PAK2: variants seen among roughly 807,000 people sequenced by gnomAD.
PAK2 encodes serine/threonine-protein kinase PAK 2.
Under a neutral mutation model 65.9 loss-of-function variants are expected in PAK2, and 21 were observed. The observed-to-expected ratio is 0.32, with a 90% CI of 0.23 to 0.46. The LOEUF is 0.46. PAK2 is among the 20% of genes least tolerant of loss of function. The pLI is 1.00. For synonymous variants in PAK2, 204 were observed against 219.7 expected (o/e 0.93, Z 0.63); for missense variants, 324 against 642.6 (o/e 0.50, Z 5.36).
chr3:196,759,195 C>G (rs1353769552), intron 1 of PAK2, among the ~76,000 whole-genome samples: 1 of 152,012 alleles, frequency 6.6e-6, no homozygotes, highest in Non-Finnish European at 1.5e-5. Flanking sequence ...TGAAGTAGTC[C>G]CATTGAGAGA....
At chr3:196,801,861 A>G in intron 2 of PAK2, 66 bp from the exon 3 acceptor site, 1 of 796,742 alleles carries the variant, frequency 1.3e-6, no homozygotes, top group South Asian at 1.5e-5. Flanking sequence ...AAATAAAATT[A>G]TAAGTGCCTT....
chr3:196,825,425 CA>C (rs1455910576), intron 13 of PAK2, among the ~76,000 whole-genome samples: 1 of 150,830 alleles, frequency 6.6e-6, no homozygotes, highest in Non-Finnish European at 1.5e-5. Flanking sequence ...GGGCAGATCA[CA>C]AAGTTGGGAG....
At chr3:196,811,474 C>T (rs1264710856) in intron 8 of PAK2, among the ~76,000 whole-genome samples, 1 of 141,896 alleles carries the variant, frequency 7.0e-6, no homozygotes, top group African/African-American at 2.7e-5. Context: ...CTCTGCCTCC[C>T]GGGTTCAAAC....
chr3:196,801,847 C>A (rs1715431999), intron 2 of PAK2, 80 bp from the exon 3 acceptor site: 2 of 756,638 alleles, frequency 2.6e-6, no homozygotes. Flanking sequence ...AAACAAAAGA[C>A]AAAAAATAAA....
At chr3:196,815,040 C>CATG (rs1715957927) in intron 11 of PAK2, among the ~76,000 whole-genome samples, 1 of 151,654 alleles carries the variant, frequency 6.6e-6, no homozygotes, top group Non-Finnish European at 1.5e-5. Context: ...ATTAGCCGGG[C>CATG]GTGTTGGCAG....
chr3:196,769,301 T>C (rs1714283449), intron 1 of PAK2, among the ~76,000 whole-genome samples: 2 of 151,714 alleles, frequency 1.3e-5, no homozygotes, highest in Admixed American at 1.3e-4. Context: ...CCTGCTTGGG[T>C]GACAGTGAGT....
chr3:196,771,309 T>C (rs894918803), intron 1 of PAK2, among the ~76,000 whole-genome samples: 1 of 152,050 alleles, frequency 6.6e-6, no homozygotes, highest in Non-Finnish European at 1.5e-5. Context: ...TTTTTTCTCC[T>C]TTGGCCAATT....
At chr3:196,781,978 C>T (rs776981520) in intron 1 of PAK2, among the ~76,000 whole-genome samples, 4 of 152,066 alleles carry the variant, frequency 2.6e-5, no homozygotes, top group South Asian at 2.1e-4. Flanking sequence ...TGGTGGCATG[C>T]GGCTGTAATT....
rs1712024472 is a variant in PAK2, at chr3:196,830,141, A to G, written c.*1736A>G. 6.6e-6 allele frequency: 1 copy of G among 152,038 alleles called. No individual in the cohort carries two copies. The highest frequency in any genetic ancestry group is 2.4e-5 in the African/African-American group (1 of 41,392). 9.4% of individuals were successfully genotyped at this position (152,038 alleles called of 1,614,324 possible). On this transcript the variant is annotated 3_prime_UTR_variant, in exon 15 of 15. Transcript: ENST00000327134. ...GAAACTGGCAGGTTTTATTTCCATT[A>G]TTTTATTTCCACTATATCTATGATA...
intron 7 of PAK2, 124 bp downstream of exon 7, chr3:196,808,038 A>T: frequency 1.2e-6 from 1 of 860,328 alleles, no homozygotes; most frequent in Non-Finnish European, 1.8e-6. Context: ...TTGTTTCCTT[A>T]TAGCAACAGT....
chr3:196,750,981 G>C (rs1713561023), intron 1 of PAK2, among the ~76,000 whole-genome samples: 1 of 152,014 alleles, frequency 6.6e-6, no homozygotes, highest in African/African-American at 2.4e-5. Flanking sequence ...TCTGTCTTCA[G>C]AATTTTTTTC....
intron 1 of PAK2, among the ~76,000 whole-genome samples, chr3:196,760,848 C>T (rs2686598): frequency 0.47 from 70,919 of 151,970 alleles, 16,997 homozygotes; most frequent in Non-Finnish European, 0.53. Flanking sequence ...TTGTTGGTGC[C>T]TCCGTGTTAA....
chr3:196,783,471 A>G (rs935264328), intron 2 of PAK2, among the ~76,000 whole-genome samples: 1 of 151,780 alleles, frequency 6.6e-6, no homozygotes, highest in Non-Finnish European at 1.5e-5. Flanking sequence ...AATCCCAGCT[A>G]CTTGGGAGGC....
intron 1 of PAK2, among the ~76,000 whole-genome samples, chr3:196,770,014 G>C (rs964021432): frequency 3.3e-5 from 5 of 152,138 alleles, no homozygotes; most frequent in Non-Finnish European, 4.4e-5. Flanking sequence ...CCAGCACTTT[G>C]AGAGTCCACA....
At chr3:196,802,689 A>C (rs562084109) in intron 3 of PAK2, among the ~76,000 whole-genome samples, 1 of 151,886 alleles carries the variant, frequency 6.6e-6, no homozygotes, top group Non-Finnish European at 1.5e-5. Flanking sequence ...CTAAAAATAC[A>C]AAAAATTAGC....
At chr3:196,790,953 A>G (rs1715051416) in intron 2 of PAK2, among the ~76,000 whole-genome samples, 1 of 152,126 alleles carries the variant, frequency 6.6e-6, no homozygotes, top group African/African-American at 2.4e-5. Context: ...TCTGTACCTT[A>G]AGCTCTCTGG....
At chr3:196,740,841 C>G (rs1489350231) in intron 1 of PAK2, among the ~76,000 whole-genome samples, 1 of 151,852 alleles carries the variant, frequency 6.6e-6, no homozygotes, top group Non-Finnish European at 1.5e-5. Context: ...CCATGTTTGG[C>G]TCTCTTGGAA....
chr3:196,747,678 A>G (rs1359671967), intron 1 of PAK2, among the ~76,000 whole-genome samples: 13 of 152,188 alleles, frequency 8.5e-5, no homozygotes, highest in Admixed American at 8.5e-4. Context: ...TAACCTATTG[A>G]TTAAATTTAA....
intron 2 of PAK2, among the ~76,000 whole-genome samples, chr3:196,799,243 T>C (rs968858925): frequency 6.6e-6 from 1 of 152,220 alleles, no homozygotes; most frequent in African/African-American, 2.4e-5. Flanking sequence ...TGTTTCTTTA[T>C]GGCTGCAATG....
Sources: gnomAD v4.1 joint callset for allele counts (sites outside exome capture counted in the v4.1 genomes callset) on GRCh38, gnomAD v4.1.1 for gene constraint, MANE v1.5 for transcripts, NCBI Gene and HGNC (gene_info 2026-07-23, HGNC 2026-07-21) for gene names.